ACVR1: variants seen among roughly 807,000 people sequenced by gnomAD.
ACVR1 encodes the protein activin receptor type-1.
In ACVR1, 38 loss-of-function variants were observed where a neutral mutation model predicts 57.1. The observed-to-expected ratio is 0.67, with a 90% confidence interval of 0.51 to 0.87. The LOEUF (loss-of-function observed/expected upper bound fraction) is 0.87. Ranked by LOEUF, ACVR1 falls within the 40% of genes least tolerant of loss-of-function variation. The probability of loss-of-function intolerance (pLI) is 0.00; values close to 1 mark genes in which losing one functional copy is unlikely to be tolerated. For synonymous variants in ACVR1, 212 were observed against 228.1 expected (o/e 0.93, Z 0.63); for missense variants, 463 against 638.2 (o/e 0.73, Z 2.96).
intron 3 of ACVR1, among the ~76,000 whole-genome samples, chr2:157,795,394 A>C (rs941276080): frequency 5.3e-5 from 8 of 150,280 alleles, no homozygotes; most frequent in Non-Finnish European, 1.0e-4. Context: ...ACACACACAC[A>C]CACACACACA....
At chr2:157,855,317 T>TAC (rs1251720145) in intron 1 of ACVR1, among the ~76,000 whole-genome samples, 2,591 of 107,512 alleles carry the variant, frequency 0.024, 93 homozygotes, top group Middle Eastern at 0.048. Context: ...TGTATATATA[T>TAC]ATATATACAC....
chr2:157,854,359 A>G (rs979561861), intron 1 of ACVR1, among the ~76,000 whole-genome samples: 19 of 152,354 alleles, frequency 1.2e-4, no homozygotes, highest in African/African-American at 3.8e-4. Flanking sequence ...CATCACTGAA[A>G]GATCAAGAAC....
At chr2:157,853,403 C>T (rs1197907014) in intron 1 of ACVR1, among the ~76,000 whole-genome samples, 1 of 152,124 alleles carries the variant, frequency 6.6e-6, no homozygotes, top group Non-Finnish European at 1.5e-5. Context: ...TACAAGCTGA[C>T]TAATCCCATC....
At chr2:157,803,065 AAGTAAT>A (rs1290380497) in intron 2 of ACVR1, among the ~76,000 whole-genome samples, 2 of 152,144 alleles carry the variant, frequency 1.3e-5, no homozygotes, top group African/African-American at 4.8e-5. Context: ...AATTTAGCTC[AAGTAAT>A]AGTAAAAGTC....
intron 3 of ACVR1, among the ~76,000 whole-genome samples, chr2:157,796,036 CA>C (rs1035916169): frequency 7.2e-5 from 11 of 151,910 alleles, no homozygotes; most frequent in Non-Finnish European, 1.5e-4. Flanking sequence ...CCAGCCTAGG[CA>C]ACACAGTGAG....
chr2:157,824,092 A>G (rs1688251745), intron 1 of ACVR1, among the ~76,000 whole-genome samples: 1 of 152,186 alleles, frequency 6.6e-6, no homozygotes, highest in Admixed American at 6.5e-5. Context: ...CTATAAGAAG[A>G]GAAGTGACGA....
At chr2:157,819,091 A>C (rs1162370098) in intron 1 of ACVR1, among the ~76,000 whole-genome samples, 1 of 150,804 alleles carries the variant, frequency 6.6e-6, no homozygotes, top group Non-Finnish European at 1.5e-5. Context: ...AAAAAAAAAA[A>C]AAAAAAAAAA....
chr2:157,780,977 T>C (rs1686498420), intron 3 of ACVR1, among the ~76,000 whole-genome samples: 1 of 152,176 alleles, frequency 6.6e-6, no homozygotes, highest in South Asian at 2.1e-4. Flanking sequence ...TACTGGAACA[T>C]AATGTTTATC....
At chr2:157,863,466 G>T (rs10183552) in intron 1 of ACVR1, among the ~76,000 whole-genome samples, 1 of 146,768 alleles carries the variant, frequency 6.8e-6, no homozygotes, top group African/African-American at 2.5e-5. Context: ...GGAGGCCGAG[G>T]CCAGCGGATC....
At chr2:157,791,730 T>C (rs1686921213) in intron 3 of ACVR1, among the ~76,000 whole-genome samples, 2 of 152,222 alleles carry the variant, frequency 1.3e-5, no homozygotes, top group Admixed American at 1.3e-4. Context: ...AAGGCTTGAT[T>C]CCTATGCATG....
chr2:157,840,428 GA>G (rs1377557210), intron 1 of ACVR1, among the ~76,000 whole-genome samples: 1 of 152,134 alleles, frequency 6.6e-6, no homozygotes, highest in African/African-American at 2.4e-5. Context: ...ATGAAAGCAA[GA>G]AAAAAGTTTT....
intron 1 of ACVR1, among the ~76,000 whole-genome samples, chr2:157,821,652 A>G (rs1337600154): frequency 6.6e-6 from 1 of 152,222 alleles, no homozygotes; most frequent in East Asian, 1.9e-4. Flanking sequence ...AAATTTAGCC[A>G]ACTTATTTGG....
intron 3 of ACVR1, among the ~76,000 whole-genome samples, chr2:157,795,291 G>T (rs918365925): frequency 5.3e-5 from 8 of 151,472 alleles, no homozygotes; most frequent in African/African-American, 1.2e-4. Context: ...CAAGGTTGAG[G>T]ATACTAGAGT....
At chr2:157,816,412 T>C (rs1574101378) in intron 2 of ACVR1, among the ~76,000 whole-genome samples, 2 of 149,188 alleles carry the variant, frequency 1.3e-5, no homozygotes. Flanking sequence ...AGTGAGACTC[T>C]GTCTCCAAAA....
intron 9 of ACVR1, 63 bp from the exon 10 acceptor site, chr2:157,738,633 A>ATTGATG: frequency 3.1e-6 from 5 of 1,611,154 alleles, no homozygotes; most frequent in Non-Finnish European, 4.2e-6. Flanking sequence ...CCAAGGTTTC[A>ATTGATG]TTGATGGGTG....
chr2:157,865,705 T>C (rs1175479723), intron 1 of ACVR1, among the ~76,000 whole-genome samples: 1 of 148,684 alleles, frequency 6.7e-6, no homozygotes, highest in Non-Finnish European at 1.5e-5. Context: ...GGCAGGAGAA[T>C]CACTTGAACC....
In ACVR1 at chr2:157,736,689, A is replaced by G. The variant is rs905418943; in HGVS notation, c.*842T>C. 3.0e-6 allele frequency: 1 copy of G among 330,090 alleles called. No homozygotes were observed. Among genetic ancestry groups the G allele is most frequent in the East Asian group, 4.0e-5 (1 of 25,280 alleles). 20.4% of individuals were successfully genotyped at this position (330,090 alleles called of 1,614,324 possible). On this transcript the variant is annotated 3_prime_UTR_variant, in exon 11 of 11. Transcript: ENST00000434821. ...CTAAATACGTTCTGCATATGAACTG[A>G]AAAAAAGTTACAGTCTACACACATA...
At chr2:157,740,853 C>T (rs186687992) in intron 9 of ACVR1, among the ~76,000 whole-genome samples, 152 of 152,292 alleles carry the variant, frequency 1.0e-3, no homozygotes, top group South Asian at 1.9e-3. Context: ...TTTTAAAAGA[C>T]CATTTAACTG....
At chr2:157,858,653 T>C (rs912909100) in intron 1 of ACVR1, among the ~76,000 whole-genome samples, 3 of 151,908 alleles carry the variant, frequency 2.0e-5, no homozygotes, top group Non-Finnish European at 4.4e-5. Flanking sequence ...CCTGCTAATT[T>C]TTCTATTTTT....
Sources: gnomAD v4.1 joint callset for allele counts (sites outside exome capture counted in the v4.1 genomes callset) on GRCh38, gnomAD v4.1.1 for gene constraint, MANE v1.5 for transcripts, NCBI Gene and HGNC (gene_info 2026-07-23, HGNC 2026-07-21) for gene names.